Variants in LEKR1 observed in about 807,000 individuals in gnomAD.
The protein encoded by LEKR1 is protein LEKR1.
In LEKR1, 59 loss-of-function variants were observed where a neutral mutation model predicts 72.4. The observed-to-expected ratio is 0.82, with a 90% CI of 0.66 to 1.01. The LOEUF (loss-of-function observed/expected upper bound fraction) is 1.01. Ranked by LOEUF, LEKR1 falls within the 50% of genes least tolerant of loss-of-function variation. The pLI is 0.00. For missense variants in LEKR1, 728 were observed against 759.2 expected (o/e 0.96, Z 0.48); for synonymous variants, 257 against 263.2 (o/e 0.98, Z 0.23).
chr3:156,829,956 A>G (rs1036326299), intron 2 of LEKR1, among the ~76,000 whole-genome samples: 7 of 152,236 alleles, frequency 4.6e-5, no homozygotes, highest in African/African-American at 1.7e-4. Context: ...GTATGTAGAC[A>G]CTAGTCTATT....
At chr3:156,867,242 C>T (rs1024052738) in intron 3 of LEKR1, among the ~76,000 whole-genome samples, 12 of 152,062 alleles carry the variant, frequency 7.9e-5, no homozygotes, top group South Asian at 2.1e-4. Flanking sequence ...ATAAGTAAGA[C>T]GACTATAAAA....
intron 6 of LEKR1, among the ~76,000 whole-genome samples, chr3:156,955,044 T>C (rs759110913): frequency 5.9e-5 from 9 of 152,060 alleles, no homozygotes; most frequent in Non-Finnish European, 1.0e-4. Flanking sequence ...AGCAGTCATT[T>C]GTAGTTCTCC....
rs77043503 is a variant in LEKR1 at position 156,948,880 on chromosome 3, C to T, written c.745+6166C>T. Among the ~76,000 whole-genome samples the T allele has an allele frequency of 8.8e-3, 1,337 of 151,572 alleles. 82 individuals carry two copies. The East Asian group carries it at 0.16, about 18-fold the overall frequency. On this transcript the variant is annotated intron_variant, in intron 6 of 12. Coordinates refer to ENST00000356539, the MANE Select transcript of LEKR1 (RefSeq NM_001004316.3). ...CATTCTGACTGGTGTGAGGTGATAT[C>T]TCATTGGCACTTGATTTGCATTTCT...
At chr3:157,026,668 A>G (rs1011201677) in intron 11 of LEKR1, among the ~76,000 whole-genome samples, 1 of 152,232 alleles carries the variant, frequency 6.6e-6, no homozygotes, top group Non-Finnish European at 1.5e-5. Context: ...TTTTGGATAC[A>G]TAACTCTTTT....
chr3:156,911,586 T>C (rs561921069), intron 3 of LEKR1, among the ~76,000 whole-genome samples: 1 of 152,244 alleles, frequency 6.6e-6, no homozygotes, highest in African/African-American at 2.4e-5. Flanking sequence ...AAAACTGATG[T>C]TGAGAAGGCT....
At chr3:157,000,371 A>G (rs1218164130) in intron 9 of LEKR1, among the ~76,000 whole-genome samples, 2 of 152,208 alleles carry the variant, frequency 1.3e-5, no homozygotes, top group African/African-American at 2.4e-5. Flanking sequence ...CTAGTATTAG[A>G]TAAGAAAAAG....
chr3:156,963,598 A>T (rs1436857965), intron 6 of LEKR1, among the ~76,000 whole-genome samples: 2 of 152,120 alleles, frequency 1.3e-5, no homozygotes, highest in African/African-American at 4.8e-5. Flanking sequence ...TAACATCATT[A>T]AAAAAATCAT....
chr3:156,994,756 G>A (rs1306462433), intron 9 of LEKR1, among the ~76,000 whole-genome samples: 1 of 152,210 alleles, frequency 6.6e-6, no homozygotes, highest in Non-Finnish European at 1.5e-5. Flanking sequence ...AAGACACCAT[G>A]GAATAAATAC....
intron 7 of LEKR1, among the ~76,000 whole-genome samples, chr3:156,990,729 A>C (rs530421247): frequency 6.6e-5 from 10 of 152,194 alleles, no homozygotes; most frequent in African/African-American, 2.2e-4. Context: ...AGCCCCTTCA[A>C]ACTGGCTCTT....
At chr3:156,964,746 A>G (rs1301436275) in intron 6 of LEKR1, among the ~76,000 whole-genome samples, 1 of 152,198 alleles carries the variant, frequency 6.6e-6, no homozygotes, top group Non-Finnish European at 1.5e-5. Context: ...AGCCCTGCGT[A>G]CAGGAATCTC....
chr3:156,837,705 A>G (rs1483539875), intron 2 of LEKR1, among the ~76,000 whole-genome samples: 1 of 152,206 alleles, frequency 6.6e-6, no homozygotes, highest in Non-Finnish European at 1.5e-5. Flanking sequence ...GCCTCAGACT[A>G]ATCACACAAA....
intron 6 of LEKR1, among the ~76,000 whole-genome samples, chr3:156,956,485 C>T (rs1376332542): frequency 6.6e-6 from 1 of 151,864 alleles, no homozygotes; most frequent in Non-Finnish European, 1.5e-5. Flanking sequence ...GAAGTAGAAT[C>T]AGATATTAAT....
intron 5 of LEKR1, among the ~76,000 whole-genome samples, chr3:156,933,847 A>T (rs185151175): frequency 7.9e-5 from 12 of 152,322 alleles, no homozygotes; most frequent in Non-Finnish European, 1.2e-4. Flanking sequence ...GGAGACACTG[A>T]CATCCCCTTT....
At chr3:156,833,159 C>G (rs566657857) in intron 2 of LEKR1, among the ~76,000 whole-genome samples, 1 of 152,288 alleles carries the variant, frequency 6.6e-6, no homozygotes, top group South Asian at 2.1e-4. Flanking sequence ...AACAAATAGT[C>G]ATAGAAAGAT....
intron 2 of LEKR1, among the ~76,000 whole-genome samples, chr3:156,831,911 ATTTTTGCAAAGACAG>A (rs1012619204): frequency 2.3e-4 from 35 of 152,272 alleles, no homozygotes; most frequent in African/African-American, 7.5e-4. Context: ...CACTGTTACA[ATTTTTGCAAAGACAG>A]TTTTAATCCC....
chr3:156,852,638 C>T (rs1417789524), intron 2 of LEKR1, 130 bp from the exon 3 acceptor site: 9 of 445,446 alleles, frequency 2.0e-5, no homozygotes, highest in Middle Eastern at 5.5e-4. Context: ...TTAGCAATGT[C>T]GTAATTATTG....
intron 11 of LEKR1, among the ~76,000 whole-genome samples, chr3:157,026,049 C>G (rs1734160474): frequency 6.7e-6 from 1 of 150,374 alleles, no homozygotes; most frequent in African/African-American, 2.5e-5. Context: ...GACTCCTTCT[C>G]TAAAAGAAAA....
intron 3 of LEKR1, among the ~76,000 whole-genome samples, chr3:156,895,068 C>A (rs2108559264): frequency 1.3e-5 from 2 of 152,116 alleles, no homozygotes; most frequent in South Asian, 4.1e-4. Flanking sequence ...GAAACAGAAA[C>A]CAGTGAACTA....
At chr3:156,969,805 C>T (rs556505665) in intron 6 of LEKR1, among the ~76,000 whole-genome samples, 4 of 152,138 alleles carry the variant, frequency 2.6e-5, no homozygotes, top group Non-Finnish European at 2.9e-5. Flanking sequence ...CAAAGCCTGG[C>T]AGAGACACAA....
Sources: gnomAD v4.1 joint callset for allele counts (sites outside exome capture counted in the v4.1 genomes callset) on GRCh38, gnomAD v4.1.1 for gene constraint, MANE v1.5 for transcripts, NCBI Gene and HGNC (gene_info 2026-07-23, HGNC 2026-07-21) for gene names.